The following UGT1A5 variants were observed in gnomAD, a reference collection of about 807,000 sequenced individuals.
UGT1A5 encodes UDP glucuronosyltransferase family 1 member A5.
A neutral mutation model predicts 40.3 loss-of-function variants in UGT1A5; 29 were observed. The ratio of observed to expected loss-of-function variants is 0.72; its 90% CI spans 0.54 to 0.98. The LOEUF is 0.98. UGT1A5 is among the 50% of genes least tolerant of loss of function. UGT1A5 has a pLI of 0.00. For missense variants in UGT1A5, 678 were observed against 677.9 expected, an observed-to-expected ratio of 1.00 and a Z score of 0.00; for synonymous variants, 257 against 262.5, an observed-to-expected ratio of 0.98 and a Z score of 0.20.
At chr2:233,755,761 TG>T (rs1696013090) in intron 1 of UGT1A5, 1 of 152,946 alleles carries the variant, frequency 6.5e-6, no homozygotes, top group South Asian at 2.1e-4. Flanking sequence ...CATTTGCTTT[TG>T]TTCATCTGGA....
At chr2:233,761,926 C>A (rs986768651) in intron 1 of UGT1A5, among the ~76,000 whole-genome samples, 4 of 152,226 alleles carry the variant, frequency 2.6e-5, no homozygotes, top group Admixed American at 1.3e-4. Context: ...GCAGCCCAGG[C>A]ACTTCCCAGG....
At chr2:233,771,134 C>T (rs1700244933) in intron 4 of UGT1A5, 1 of 152,302 alleles carries the variant, frequency 6.6e-6, no homozygotes, top group Admixed American at 6.5e-5. Flanking sequence ...CCCCATGATC[C>T]AAACACCTCC....
In UGT1A5 at chr2:233,730,882, A is replaced by G. The variant is rs150237801; in HGVS notation, c.867+17024A>G. On this transcript the variant is annotated intron_variant, in intron 1 of 4. Coordinates refer to ENST00000373414, the MANE Select transcript of UGT1A5 (RefSeq NM_019078.2). ...ACCCTACTGCACTCCAGGTTTCTAT[A>G]GTGGGATCTACTCCTTTACCAAAAA... 3.7e-3 allele frequency among the ~76,000 whole-genome samples: 556 copies of G among 152,264 alleles called. 1 individual carries two copies. The highest frequency in any genetic ancestry group is 7.3e-3 in the Admixed American group (112 of 15,302).
chr2:233,766,948 G>A, intron 1 of UGT1A5, 86 bp from the exon 2 acceptor site: 1 of 1,599,792 alleles, frequency 6.3e-7, no homozygotes, highest in Non-Finnish European at 8.5e-7. Context: ...AGTCTTAAGA[G>A]GAAGATATCT....
rs1699952457 is a variant in UGT1A5, at chr2:233,769,841, G to C, written c.1307+1402G>C. On this transcript the variant is annotated intron_variant, in intron 4 of 4. Coordinates refer to ENST00000373414, the MANE Select transcript of UGT1A5 (RefSeq NM_019078.2). This position sits in a 1 kb window ranked among gnomAD's most constrained non-coding sequence, Gnocchi z 4.4. The stretch of plus-strand genomic sequence containing the variant: ...CTGCACTCCAGCAACCTGGGCAACA[G>C]AGTGAGACCCTGTCTCAAAAAAAAA... The C allele has an allele frequency of 1.8e-6, 1 of 550,096 alleles. No homozygotes were observed. Among genetic ancestry groups the C allele is most frequent in the Non-Finnish European group, 2.8e-6 (1 of 353,910 alleles). The allele number at this position is 550,096 out of a possible 1,614,324, so 34.1% of individuals were successfully genotyped here. A position where few individuals can be genotyped will look rare whatever the true frequency, so the allele number is the denominator to read the frequency against.
intron 1 of UGT1A5, among the ~76,000 whole-genome samples, chr2:233,730,806 G>C (rs374048907): frequency 3.3e-5 from 5 of 152,118 alleles, no homozygotes; most frequent in South Asian, 2.1e-4. Flanking sequence ...ATGGACATGC[G>C]TCCAAGAAGG....
At chr2:233,718,347 A>G (rs1195672744) in intron 1 of UGT1A5, among the ~76,000 whole-genome samples, 2 of 152,214 alleles carry the variant, frequency 1.3e-5, no homozygotes, top group African/African-American at 4.8e-5. Flanking sequence ...TGTCTTTTGG[A>G]TGTGCTGTGT....
At chr2:233,729,345 C>A (rs200579886) in intron 1 of UGT1A5, 337 of 1,614,208 alleles carry the variant, frequency 2.1e-4, no homozygotes, top group Admixed American at 3.5e-4. Flanking sequence ...AAGAAGAGAA[C>A]TTTTTCACCC....
rs1362794385 is a variant in UGT1A5, at chr2:233,713,660, T to G, written c.669T>G (p.Leu223=). 1.9e-6 allele frequency: 3 copies of G among 1,613,860 alleles called. No individual in the cohort carries two copies. Among genetic ancestry groups the G allele is most frequent in the Non-Finnish European group, 2.5e-6 (3 of 1,179,876 alleles). Residue 223 remains leucine (L), a synonymous_variant, in exon 1 of 5, where the codon CTT becomes CTG. Transcript: ENST00000373414. ...NMLYPLALSY[L]CHAVSAPYAS... is the part of the protein sequence containing the mutation. ...TCTACCCTCTGGCCCTGTCCTACCT[T>G]TGCCATGCTGTTTCTGCTCCTTATG...
At chr2:233,729,341 A>G (rs1330207927) in intron 1 of UGT1A5, 2 of 1,614,238 alleles carry the variant, frequency 1.2e-6, no homozygotes, top group Admixed American at 1.7e-5. Flanking sequence ...ATCAAAGAAG[A>G]GAACTTTTTC....
At position 233,769,958 on chromosome 2, in the gene UGT1A5, G is replaced by T. The variant is rs1575848035; in HGVS notation, c.1307+1519G>T. 1 of 216,598 alleles carries T rather than the reference G, an allele frequency of 4.6e-6. No individual in the cohort carries two copies. The highest frequency in any genetic ancestry group is 1.1e-4 in the South Asian group (1 of 9,406). The allele number at this position is 216,598 out of a possible 1,614,324, so 13.4% of individuals were successfully genotyped here. On this transcript the variant is annotated intron_variant, in intron 4 of 4. Coordinates refer to ENST00000373414, the MANE Select transcript of UGT1A5 (RefSeq NM_019078.2). The surrounding 1 kb of genome is among the most constrained non-coding windows in gnomAD (Gnocchi z 4.4). Reference sequence around the variant, plus strand: ...TTCCTTCCTTCCAGCGGCTTCTTCTGGCCACCTCAATGTCAGGATGTCCTG... The same window carrying T: ...TTCCTTCCTTCCAGCGGCTTCTTCTTGCCACCTCAATGTCAGGATGTCCTG...
In UGT1A5 at chr2:233,713,312, G is replaced by T. The variant is rs1406114434; in HGVS notation, c.321G>T (p.Leu107=). 8 of 1,614,228 alleles carry T rather than the reference G, an allele frequency of 5.0e-6. No individual in the cohort carries two copies. Among genetic ancestry groups the T allele is most frequent in the Non-Finnish European group, 6.8e-6 (8 of 1,180,042 alleles). Residue 107 remains leucine, a synonymous_variant, in exon 1 of 5, where the codon CTG becomes CTT. Coordinates refer to ENST00000373414, the MANE Select transcript of UGT1A5 (RefSeq NM_019078.2). ...CGTTCTTTGAAACAGAACATCTTCT[G>T]ATGAAATTTTCTAGAAGAATGGCAA... The part of the protein sequence containing the change: ...TQSFFETEHL[L]MKFSRRMAIM...
chr2:233,729,918 C>T (rs748265194), intron 1 of UGT1A5: 1 of 1,613,918 alleles, frequency 6.2e-7, no homozygotes, highest in African/African-American at 1.3e-5. Context: ...TTGTGATGGA[C>T]TACCCCAGGC....
chr2:233,722,557 T>C (rs910752040), intron 1 of UGT1A5, among the ~76,000 whole-genome samples: 1 of 152,244 alleles, frequency 6.6e-6, no homozygotes, highest in Non-Finnish European at 1.5e-5. Flanking sequence ...TTTTGGTTGA[T>C]TTGTAGCTGC....
chr2:233,760,308 C>T lies in UGT1A5; in HGVS notation c.868-6726C>T, dbSNP rs780253764. Reference sequence around the variant, plus strand: ...GCGCCATGGCTGTGGAGTCCCAGGGCGGACGCCCACTTGTCCTGGGCCTGC... The same window carrying T: ...GCGCCATGGCTGTGGAGTCCCAGGGTGGACGCCCACTTGTCCTGGGCCTGC... On this transcript the variant is annotated intron_variant, in intron 1 of 4. Transcript: ENST00000373414. 9.9e-6 allele frequency: 16 copies of T among 1,613,678 alleles called. No homozygotes were observed. The highest frequency in any genetic ancestry group is 1.7e-5 in the Admixed American group (1 of 60,028).
At chr2:233,731,212 T>A (rs1194990804) in intron 1 of UGT1A5, among the ~76,000 whole-genome samples, 1 of 152,156 alleles carries the variant, frequency 6.6e-6, no homozygotes, top group Non-Finnish European at 1.5e-5. Context: ...TACGTGTTTA[T>A]TTAGATTTGT....
intron 1 of UGT1A5, chr2:233,719,772 T>G: frequency 6.2e-7 from 1 of 1,611,636 alleles, no homozygotes; most frequent in South Asian, 1.1e-5. Flanking sequence ...CTTCCATATC[T>G]ACTTATCTTT....
In UGT1A5 at chr2:233,713,718, G is replaced by A; in HGVS notation, c.727G>A (p.Val243Met). Residue 243 changes from valine (V) to methionine (M), a missense_variant, in exon 1 of 5, where the codon GTG becomes ATG. Coordinates refer to ENST00000373414, the MANE Select transcript of UGT1A5 (RefSeq NM_019078.2). ...SLASELFQRE[V>M]SVVDLVSHAS... ...TGCCTCTGAGCTTTTTCAGAGAGAG[G>A]TGTCAGTGGTGGATCTTGTCAGCCA... The A allele has an allele frequency of 1.2e-6, 2 of 1,613,904 alleles. No individual in the cohort carries two copies. Among genetic ancestry groups the A allele is most frequent in the Non-Finnish European group, 1.7e-6 (2 of 1,179,878 alleles).
intron 1 of UGT1A5, among the ~76,000 whole-genome samples, chr2:233,722,845 CT>C (rs61550889): frequency 0.025 from 3,404 of 135,242 alleles, 237 homozygotes; most frequent in African/African-American, 0.08. Context: ...AAGAATGTTT[CT>C]TTTTTTTTTT....
Sources: allele counts gnomAD v4.1 joint callset (sites outside exome capture counted in the v4.1 genomes callset), GRCh38; gene constraint gnomAD v4.1.1; non-coding constraint Gnocchi (gnomAD v3.1); transcripts MANE v1.5; gene names NCBI Gene and HGNC (gene_info 2026-07-23, HGNC 2026-07-21).